The following MTPAP variants were observed in gnomAD, a reference collection of about 807,000 sequenced individuals.
MTPAP encodes the protein mitochondrial poly(A) polymerase.
MTPAP carries 23 observed loss-of-function variants against 48.7 expected under a neutral mutation model. That is an observed-to-expected ratio of 0.47 (90% CI 0.34 to 0.67). MTPAP has a LOEUF of 0.67. MTPAP is among the 30% of genes least tolerant of loss of function. The probability of loss-of-function intolerance (pLI) is 0.01; values close to 1 mark genes in which losing one functional copy is unlikely to be tolerated. For synonymous variants in MTPAP, 257 were observed against 254.1 expected (o/e 1.01, Z -0.11); for missense variants, 614 against 694.3 (o/e 0.88, Z 1.30).
chr10:30,339,098 G>A (rs747951028), intron 3 of MTPAP, among the ~76,000 whole-genome samples: 17 of 151,996 alleles, frequency 1.1e-4, no homozygotes, highest in Non-Finnish European at 2.2e-4. Context: ...ACTCCAGCCT[G>A]GGCGACAGAG....
intron 6 of MTPAP, among the ~76,000 whole-genome samples, chr10:30,318,459 G>T (rs1345661420): frequency 6.6e-6 from 1 of 152,122 alleles, no homozygotes; most frequent in Admixed American, 6.5e-5. Flanking sequence ...AACAGTGTAT[G>T]TTTTTTTGTG....
rs528437901 is a variant in MTPAP, at chr10:30,340,302, C to T, written c.479G>A (p.Arg160Gln). ...CTGATTACTTGACCGTACGCGTGAC[C>T]GTTCAGAAGTCTGGTTTTTCAACTT... The part of the protein sequence containing the change: ...NLKLKNQTSE[R>Q]SRVRSSNQLP... Residue 160 changes from arginine to glutamine, a missense_variant, in exon 3 of 9, where the codon CGG becomes CAG. Transcript: ENST00000263063. The T allele has an allele frequency of 2.0e-5, 33 of 1,614,116 alleles. No homozygotes were observed. Among genetic ancestry groups the T allele is most frequent in the Middle Eastern group, 1.6e-4 (1 of 6,062 alleles).
chr10:30,330,174 C>G lies in MTPAP; in HGVS notation c.781-3539G>C, dbSNP rs377282748. 1.5e-4 allele frequency among the ~76,000 whole-genome samples: 23 copies of G among 152,256 alleles called. No individual in the cohort carries two copies. In the East Asian group the frequency reaches 4.2e-3, roughly 28 times the overall value. On this transcript the variant is annotated intron_variant, in intron 4 of 8. Transcript: ENST00000263063. The stretch of plus-strand genomic sequence containing the variant: ...AACATGTGGCATTTTCTCTACTGAT[C>G]TGTCATTTAGATATTTTTATATTAA...
intron 8 of MTPAP, among the ~76,000 whole-genome samples, chr10:30,315,683 C>A (rs1840653495): frequency 6.6e-6 from 1 of 152,030 alleles, no homozygotes; most frequent in Non-Finnish European, 1.5e-5. Context: ...GAATGTATTC[C>A]ACATCATGAG....
intron 6 of MTPAP, 125 bp from the exon 7 acceptor site, chr10:30,316,335 C>T: frequency 1.3e-6 from 1 of 743,316 alleles, no homozygotes; most frequent in Non-Finnish European, 2.3e-6. Flanking sequence ...CTCCACCTCC[C>T]AGGTTCCAGC....
rs1306160494 is a variant in MTPAP, at chr10:30,326,582, T to C, written c.834A>G (p.Arg278=). The change falls in exon 5 of 9, where the codon AGA becomes AGG. Residue 278 remains arginine, a synonymous_variant. Coordinates refer to ENST00000263063, the MANE Select transcript of MTPAP (RefSeq NM_018109.4). The part of the protein sequence containing the change: ...EFQVKNVPSE[R]IATQKILSVL... ...CAGACAGGATCTTCTGAGTTGCAAT[T>C]CTTTCTGAAGGAACATTTTTCACTT... is the stretch of plus-strand genomic sequence containing the variant. The C allele has an allele frequency of 6.2e-7, 1 of 1,614,158 alleles. No homozygotes were observed. Among genetic ancestry groups the C allele is most frequent in the East Asian group, 2.2e-5 (1 of 44,882 alleles).
At chr10:30,335,701 C>T (rs1011019073) in intron 4 of MTPAP, among the ~76,000 whole-genome samples, 1 of 151,780 alleles carries the variant, frequency 6.6e-6, no homozygotes, top group Non-Finnish European at 1.5e-5. Context: ...AGGAGTAATC[C>T]AATAAAAGGA....
chr10:30,346,043 GAAA>G (rs59035967), intron 1 of MTPAP, among the ~76,000 whole-genome samples: 2 of 64,178 alleles, frequency 3.1e-5, no homozygotes, highest in Non-Finnish European at 3.3e-5. Context: ...CTTCTCAAAA[GAAA>G]AAAAAAAAAA....
In MTPAP at chr10:30,310,789, C is replaced by T. The variant is rs962407057; in HGVS notation, c.*2820G>A. ...TGGCAGGCGCCTGTAATCCCAGTTA[C>T]TTGGGAGGCTGGGGCAGGAGTATCG... On this transcript the variant is annotated 3_prime_UTR_variant, in exon 9 of 9. Transcript: ENST00000263063. 2.0e-5 allele frequency: 3 copies of T among 151,794 alleles called. No individual in the cohort carries two copies. Among genetic ancestry groups the T allele is most frequent in the African/African-American group, 7.3e-5 (3 of 41,248 alleles). The allele number at this position is 151,794 out of a possible 1,614,324, so 9.4% of individuals were successfully genotyped here. A position where few individuals can be genotyped will look rare whatever the true frequency, so the allele number is the denominator to read the frequency against.
At chr10:30,336,576 T>G (rs936377784) in intron 4 of MTPAP, among the ~76,000 whole-genome samples, 2 of 152,166 alleles carry the variant, frequency 1.3e-5, no homozygotes, top group Non-Finnish European at 2.9e-5. Context: ...TGAAAACAAT[T>G]AACTATTTGA....
chr10:30,330,653 G>C (rs1834654715), intron 4 of MTPAP, among the ~76,000 whole-genome samples: 1 of 152,218 alleles, frequency 6.6e-6, no homozygotes, highest in Non-Finnish European at 1.5e-5. Flanking sequence ...AGTTATTGAA[G>C]CTGCTCACCA....
intron 3 of MTPAP, chr10:30,339,888 C>G (rs1428418575): frequency 6.2e-6 from 2 of 321,808 alleles, no homozygotes; most frequent in Admixed American, 4.6e-5. Flanking sequence ...CAATTCACTA[C>G]GTTAAGACAT....
chr10:30,329,382 C>A (rs529393850), intron 4 of MTPAP, among the ~76,000 whole-genome samples: 8 of 152,198 alleles, frequency 5.3e-5, no homozygotes, highest in South Asian at 2.1e-4. Flanking sequence ...TACACACCAC[C>A]ACACCTTGCT....
chr10:30,333,858 T>C (rs905881977), intron 4 of MTPAP, among the ~76,000 whole-genome samples: 2 of 152,102 alleles, frequency 1.3e-5, no homozygotes, highest in East Asian at 3.9e-4. Context: ...GCTGAGATCA[T>C]ACCACTGCAC....
At chr10:30,333,511 C>T (rs1281757396) in intron 4 of MTPAP, among the ~76,000 whole-genome samples, 2 of 152,196 alleles carry the variant, frequency 1.3e-5, no homozygotes, top group African/African-American at 4.8e-5. Context: ...TGTTATGCTC[C>T]TTGATTATTC....
At chr10:30,342,543 C>A (rs887660699) in intron 1 of MTPAP, among the ~76,000 whole-genome samples, 1,066 of 136,128 alleles carry the variant, frequency 7.8e-3, no homozygotes, top group Non-Finnish European at 0.01. Flanking sequence ...CGGAGTTCCA[C>A]AAAAAAAAAA....
rs1588711254 is a variant in MTPAP at position 30,315,891 on chromosome 10, G to A, written c.1386+72C>T. 3.6e-6 allele frequency: 5 copies of A among 1,386,706 alleles called. No individual in the cohort carries two copies. The East Asian group carries it at 9.9e-5, about 27-fold the overall frequency. 85.9% of individuals were successfully genotyped at this position (1,386,706 alleles called of 1,614,324 possible). ...TAAATAACATTTATTAGAGTGTTTT[G>A]AAAACAGTTAATTAAATATTAGTAC... On this transcript the variant is annotated intron_variant, in intron 8 of 8. Coordinates refer to ENST00000263063, the MANE Select transcript of MTPAP (RefSeq NM_018109.4).
At chr10:30,343,430 T>G (rs1834835752) in intron 1 of MTPAP, among the ~76,000 whole-genome samples, 1 of 151,274 alleles carries the variant, frequency 6.6e-6, no homozygotes. Context: ...AATCTTAAAA[T>G]TCCAAAGAAA....
Position 30,313,748 on chromosome 10 carries a change from T to A in MTPAP, c.1610A>T (p.Asn537Ile), listed in dbSNP as rs1840628185. Residue 537 changes from asparagine (N) to isoleucine (I), a missense_variant, in exon 9 of 9, where the codon AAC (asparagine) becomes ATC (isoleucine). This residue lies in a region of MTPAP where 109 missense variants were observed against 100.5 expected (regional missense o/e 1.08). Coordinates refer to ENST00000263063, the MANE Select transcript of MTPAP (RefSeq NM_018109.4). Reference protein sequence around the residue: ...LVSLLLPSAPNRKSFTKKKSN... With the variant: ...LVSLLLPSAPIRKSFTKKKSN... ...TTTCTTCTTGGTAAAGGACTTTCTGTTTGGAGCAGATGGTAGCAATAGGGA... is the reference window on the plus strand; with the variant it reads ...TTTCTTCTTGGTAAAGGACTTTCTGATTGGAGCAGATGGTAGCAATAGGGA... The A allele has an allele frequency of 6.2e-7, 1 of 1,614,084 alleles. No homozygotes were observed. Among genetic ancestry groups the A allele is most frequent in the Non-Finnish European group, 8.5e-7 (1 of 1,180,026 alleles).
Sources: allele counts gnomAD v4.1 joint callset (sites outside exome capture counted in the v4.1 genomes callset), GRCh38; gene constraint gnomAD v4.1.1; regional missense constraint gnomAD v4.1.1; transcripts MANE v1.5; gene names NCBI Gene and HGNC (gene_info 2026-07-23, HGNC 2026-07-21).